The following AGAP1 variants were observed in gnomAD, a reference collection of about 807,000 sequenced individuals.
AGAP1 encodes ArfGAP with GTPase domain, ankyrin repeat and PH domain 1.
Under a neutral mutation model 105.3 loss-of-function variants are expected in AGAP1, and 29 were observed. The ratio of observed to expected loss-of-function variants is 0.28; its 90% CI spans 0.21 to 0.38. The LOEUF (loss-of-function observed/expected upper bound fraction) is 0.38. Ranked by LOEUF, AGAP1 falls within the 10% of genes least tolerant of loss-of-function variation. The pLI is 1.00. For missense variants in AGAP1, 998 were observed against 1,165.1 expected (o/e 0.86, Z 2.09); for synonymous variants, 509 against 485.9 (o/e 1.05, Z -0.63).
rs912310084 is a variant in AGAP1 at position 235,733,389 on chromosome 2, G to A, written c.311-7574G>A. The stretch of plus-strand genomic sequence containing the variant: ...TGATGGGGTGTTGTTGGCTCAGGTT[G>A]TAGGAGAGATGAGGAGCCTCCGCCC... On this transcript the variant is annotated intron_variant, in intron 3 of 17. Transcript: ENST00000304032. The surrounding 1 kb of genome is among the most constrained non-coding windows in gnomAD (Gnocchi z 5.0). Among the ~76,000 whole-genome samples the A allele has an allele frequency of 2.6e-5, 4 of 152,186 alleles. No individual in the cohort carries two copies. Among genetic ancestry groups the A allele is most frequent in the Admixed American group, 2.6e-4 (4 of 15,280 alleles).
At position 235,705,896 on chromosome 2, in the gene AGAP1, G is replaced by A. The variant is rs532840236; in HGVS notation, c.164-3283G>A. Among the ~76,000 whole-genome samples the A allele has an allele frequency of 3.3e-5, 5 of 152,254 alleles. No individual in the cohort carries two copies. The highest frequency in any genetic ancestry group is 1.2e-4 in the African/African-American group (5 of 41,552). On this transcript the variant is annotated intron_variant, in intron 1 of 17. Transcript: ENST00000304032. The surrounding 1 kb of genome is among the most constrained non-coding windows in gnomAD (Gnocchi z 4.9). ...TAATTTATAATGAATATTTTATATT[G>A]TTAGAAAGTTAATCTTATGGTGGTA...
chr2:236,060,949 GCTAC>G (rs1468534471), intron 16 of AGAP1, among the ~76,000 whole-genome samples: 1 of 152,130 alleles, frequency 6.6e-6, no homozygotes, highest in Non-Finnish European at 1.5e-5. Context: ...TGTAGTCCCA[GCTAC>G]CTGGGAGGCT....
At position 236,131,502 on chromosome 2, in the gene AGAP1, G is replaced by A. The variant is rs915903592; in HGVS notation, c.*7380G>A. On this transcript the variant is annotated 3_prime_UTR_variant, in exon 18 of 18. Coordinates refer to ENST00000304032, the MANE Select transcript of AGAP1 (RefSeq NM_001037131.3). This position sits in a 1 kb window ranked among gnomAD's most constrained non-coding sequence, Gnocchi z 5.9. ...ATGGGTTTAGGTTTTTTTTTTGGAT[G>A]TTTTCTATTACCTCATTCAGCAACT... 1 of 151,858 alleles carries A rather than the reference G, an allele frequency of 6.6e-6. No individual in the cohort carries two copies. Among genetic ancestry groups the A allele is most frequent in the African/African-American group, 2.4e-5 (1 of 41,344 alleles). The allele number at this position is 151,858 out of a possible 1,614,324, so 9.4% of individuals were successfully genotyped here.
chr2:236,031,118 C>T lies in AGAP1; in HGVS notation c.1646-5443C>T, dbSNP rs550314067. ...AAACATCCACAGGCATTTTAAAATC[C>T]AAAACTGATTAGATATATGAATTGG... On this transcript the variant is annotated intron_variant, in intron 13 of 17. Coordinates refer to ENST00000304032, the MANE Select transcript of AGAP1 (RefSeq NM_001037131.3). Among the ~76,000 whole-genome samples, 389 of 152,030 alleles carry T rather than the reference C, an allele frequency of 2.6e-3. 1 individual carries two copies. The highest frequency in any genetic ancestry group is 9.0e-3 in the African/African-American group (371 of 41,428).
Position 235,556,644 on chromosome 2 carries a change from C to G in AGAP1, c.163+61795C>G, listed in dbSNP as rs1442870658. ...TCTGGTTCCCTCTCTCCCCTATGTG[C>G]AAGTAAATAACATGCTACTATATGT... On this transcript the variant is annotated intron_variant, in intron 1 of 17. Transcript: ENST00000304032. This position sits in a 1 kb window ranked among gnomAD's most constrained non-coding sequence, Gnocchi z 5.3. Among the ~76,000 whole-genome samples the G allele has an allele frequency of 6.6e-6, 1 of 152,164 alleles. No individual in the cohort carries two copies. The highest frequency in any genetic ancestry group is 1.5e-5 in the Non-Finnish European group (1 of 68,038).
intron 3 of AGAP1, among the ~76,000 whole-genome samples, chr2:235,722,755 A>G (rs1951450768): frequency 6.6e-6 from 1 of 152,200 alleles, no homozygotes; most frequent in African/African-American, 2.4e-5. Context: ...AATTCAACCC[A>G]CAGCAGTGTG....
At chr2:235,943,362 ATTTTTT>A (rs562379887) in intron 12 of AGAP1, among the ~76,000 whole-genome samples, 1 of 127,114 alleles carries the variant, frequency 7.9e-6, no homozygotes, top group African/African-American at 3.2e-5. Flanking sequence ...AAAGGACTTA[ATTTTTT>A]TTTTTTTTTT....
chr2:236,002,666 T>C lies in AGAP1; in HGVS notation c.1646-33895T>C, dbSNP rs1369326915. 2.6e-5 allele frequency among the ~76,000 whole-genome samples: 4 copies of C among 152,084 alleles called. No homozygotes were observed. The highest frequency in any genetic ancestry group is 9.7e-5 in the African/African-American group (4 of 41,410). On this transcript the variant is annotated intron_variant, in intron 13 of 17. Transcript: ENST00000304032. This position sits in a 1 kb window ranked among gnomAD's most constrained non-coding sequence, Gnocchi z 4.3. ...TCCCTCCTGGATGAATACAGGACACTTAAACATTTAAAGGGGGGACACAGA... is the reference window on the plus strand; with the variant it reads ...TCCCTCCTGGATGAATACAGGACACCTAAACATTTAAAGGGGGGACACAGA...
intron 1 of AGAP1, among the ~76,000 whole-genome samples, chr2:235,587,236 C>G (rs1945142741): frequency 6.6e-6 from 1 of 152,140 alleles, no homozygotes; most frequent in African/African-American, 2.4e-5. Flanking sequence ...AAAGTCGGAC[C>G]AAGTTTCTGA....
intron 1 of AGAP1, among the ~76,000 whole-genome samples, chr2:235,654,021 G>A (rs1032819762): frequency 1.3e-5 from 2 of 152,162 alleles, no homozygotes; most frequent in Non-Finnish European, 2.9e-5. Context: ...GCACCACTGT[G>A]CTCCAGCCTG....
At chr2:235,534,724 C>T (rs1943154333) in intron 1 of AGAP1, among the ~76,000 whole-genome samples, 4 of 152,118 alleles carry the variant, frequency 2.6e-5, no homozygotes, top group Non-Finnish European at 1.5e-5. Context: ...TTCAGGGACA[C>T]GGGGATAGTG....
chr2:235,990,059 G>A (rs1007028427), intron 13 of AGAP1, among the ~76,000 whole-genome samples: 2 of 152,172 alleles, frequency 1.3e-5, no homozygotes, highest in Non-Finnish European at 1.5e-5. Context: ...AGGACCCACA[G>A]CCACACAAGC....
intron 1 of AGAP1, among the ~76,000 whole-genome samples, chr2:235,607,898 G>A (rs1490362697): frequency 6.6e-6 from 1 of 152,174 alleles, no homozygotes; most frequent in Non-Finnish European, 1.5e-5. Context: ...TAGATGTTGT[G>A]TTCTACCAAA....
intron 1 of AGAP1, among the ~76,000 whole-genome samples, chr2:235,496,794 G>A (rs1029470028): frequency 1.3e-5 from 2 of 151,784 alleles, no homozygotes; most frequent in African/African-American, 2.4e-5. Flanking sequence ...CTAGATGATG[G>A]TTTTTTTTGA....
intron 6 of AGAP1, among the ~76,000 whole-genome samples, chr2:235,786,797 C>G (rs61499079): frequency 0.26 from 39,289 of 152,008 alleles, 5,437 homozygotes; most frequent in Admixed American, 0.4. Context: ...TGAAGAAGCA[C>G]CTCATTAATA....
rs555249792 is a variant in AGAP1 at position 236,087,314 on chromosome 2, G to A, written c.2115-32878G>A. Among the ~76,000 whole-genome samples, 1 of 152,124 alleles carries A rather than the reference G, an allele frequency of 6.6e-6. No homozygotes were observed. Among genetic ancestry groups the A allele is most frequent in the South Asian group, 2.1e-4 (1 of 4,830 alleles). Reference sequence around the variant, plus strand: ...ATGAGAGGAAGCCAGAGCCCGGGGTGGGGGCGGGAGCGGGGGCTAGCTGTG... The same window carrying A: ...ATGAGAGGAAGCCAGAGCCCGGGGTAGGGGCGGGAGCGGGGGCTAGCTGTG... On this transcript the variant is annotated intron_variant, in intron 16 of 17. Transcript: ENST00000304032. The surrounding 1 kb of genome is among the most constrained non-coding windows in gnomAD (Gnocchi z 5.7).
At chr2:235,940,267 C>T (rs949202482) in intron 12 of AGAP1, among the ~76,000 whole-genome samples, 1 of 152,094 alleles carries the variant, frequency 6.6e-6, no homozygotes, top group Non-Finnish European at 1.5e-5. Context: ...TCGGTCCTAA[C>T]TCATCTCTGG....
rs563344524 is a variant in AGAP1 at position 236,016,521 on chromosome 2, C to T, written c.1646-20040C>T. ...ATTGGGGGACAGCAAGGGGACATACCTCCTTAGCCTTGAGGGCAAATGGTT... is the reference window on the plus strand; with the variant it reads ...ATTGGGGGACAGCAAGGGGACATACTTCCTTAGCCTTGAGGGCAAATGGTT... On this transcript the variant is annotated intron_variant, in intron 13 of 17. Transcript: ENST00000304032. Among the ~76,000 whole-genome samples the T allele has an allele frequency of 3.9e-5, 6 of 152,114 alleles. No individual in the cohort carries two copies. In the South Asian group the frequency reaches 1.2e-3, roughly 32 times the overall value.
chr2:235,688,480 A>G (rs1949576549), intron 1 of AGAP1, among the ~76,000 whole-genome samples: 1 of 152,022 alleles, frequency 6.6e-6, no homozygotes, highest in Non-Finnish European at 1.5e-5. Flanking sequence ...AGACTTCCGA[A>G]ACTTTCTGCC....
Sources: gnomAD v4.1 joint callset for allele counts (sites outside exome capture counted in the v4.1 genomes callset) on GRCh38, gnomAD v4.1.1 for gene constraint, Gnocchi (gnomAD v3.1) non-coding constraint, MANE v1.5 for transcripts, NCBI Gene and HGNC (gene_info 2026-07-23, HGNC 2026-07-21) for gene names.